ZAR1: variants seen among roughly 807,000 people sequenced by gnomAD.
ZAR1 encodes zygote arrest 1, also known as zygote arrest protein 1.
In ZAR1, 37 loss-of-function variants were observed where a neutral mutation model predicts 38.3. The observed-to-expected ratio is 0.97, with a 90% CI of 0.74 to 1.27. The LOEUF (loss-of-function observed/expected upper bound fraction) is 1.27, where lower values mean the gene tolerates loss of function less well. ZAR1 is among the 50% of genes most tolerant of loss of function. The pLI is 0.00. For missense variants in ZAR1, 651 were observed against 632.4 expected (o/e 1.03, Z -0.32); for synonymous variants, 336 against 292.0 (o/e 1.15, Z -1.53).
chr4:48,491,278 A>C (rs1718434423), intron 1 of ZAR1, 24 bp downstream of exon 1: 2 of 1,229,080 alleles, frequency 1.6e-6, no homozygotes, highest in Non-Finnish European at 2.0e-6. Flanking sequence ...CGGTCAGGGC[A>C]CAGGGGAGCC....
chr4:48,495,551 A>G (rs189322197), downstream of ZAR1, among the ~76,000 whole-genome samples: 68 of 152,342 alleles, frequency 4.5e-4, no homozygotes, highest in Admixed American at 8.5e-4. Context: ...TGTTGCTAAT[A>G]GAATTGAAGC....
At chr4:48,492,446 C>A (rs1237533615) in intron 1 of ZAR1, among the ~76,000 whole-genome samples, 1 of 152,158 alleles carries the variant, frequency 6.6e-6, no homozygotes, top group Non-Finnish European at 1.5e-5. Context: ...TAAGATCAGG[C>A]TTTATCTTAA....
downstream of ZAR1, among the ~76,000 whole-genome samples, chr4:48,495,774 C>T (rs776773444): frequency 3.9e-5 from 6 of 151,992 alleles, no homozygotes; most frequent in African/African-American, 7.3e-5. Context: ...TCAAATGAGT[C>T]GAATGAGGCA....
intron 3 of ZAR1, 99 bp from the exon 4 acceptor site, chr4:48,494,002 C>T: frequency 7.1e-7 from 1 of 1,415,196 alleles, no homozygotes. Context: ...GCTTAGAGCA[C>T]ATTCATTAAG....
chr4:48,491,267 G>A lies in ZAR1; in HGVS notation c.963+13G>A. 8.9e-6 allele frequency: 11 copies of A among 1,234,190 alleles called. No homozygotes were observed. Among genetic ancestry groups the A allele is most frequent in the Non-Finnish European group, 1.1e-5 (11 of 989,804 alleles). The allele number at this position is 1,234,190 out of a possible 1,614,324, so 76.5% of individuals were successfully genotyped here. A position where few individuals can be genotyped will look rare whatever the true frequency, so the allele number is the denominator to read the frequency against. On this transcript the variant is annotated intron_variant, in intron 1 of 3. Transcript: ENST00000327939. ...GCTGCGCTTCCAGGTAAAGCCTAGG[G>A]CGGTCAGGGCACAGGGGAGCCCGGG...
chr4:48,491,111 C>T lies in ZAR1; in HGVS notation c.820C>T (p.Pro274Ser). The T allele has an allele frequency of 1.6e-6, 2 of 1,269,350 alleles. No homozygotes were observed. The highest frequency in any genetic ancestry group is 3.2e-5 in the East Asian group (1 of 31,716). 78.6% of individuals were successfully genotyped at this position (1,269,350 alleles called of 1,614,324 possible). A position where few individuals can be genotyped will look rare whatever the true frequency, so the allele number is the denominator to read the frequency against. ...AGAGGCCCAGGAGGGCGAGGCGGCT[C>T]CGCGGTCGGCGCTAAGGAGCCCGGG... ...PREAQEGEAA[P>S]RSALRSPGQP... Residue 274 changes from proline (P) to serine (S), a missense_variant, in exon 1 of 4, where the codon CCG becomes TCG. Coordinates refer to ENST00000327939, the MANE Select transcript of ZAR1 (RefSeq NM_175619.3).
chr4:48,495,522 AT>A (rs1718562642), downstream of ZAR1, among the ~76,000 whole-genome samples: 1 of 152,238 alleles, frequency 6.6e-6, no homozygotes, highest in Non-Finnish European at 1.5e-5. Context: ...TCCTACCTAC[AT>A]TTAATAGGCG....
chr4:48,497,295 AGAAGTGTAGGTT>A (rs1718673083), downstream of ZAR1: 1 of 152,232 alleles, frequency 6.6e-6, no homozygotes, highest in Non-Finnish European at 1.5e-5. Flanking sequence ...TGAGGAGCAG[AGAAGTGTAGGTT>A]GGAGGAAAAT....
In ZAR1 at chr4:48,490,508, G is replaced by T; in HGVS notation, c.217G>T (p.Glu73Ter). ...FPGCGRLTAA[E>*]YFDSYQRERL... is the part of the protein sequence containing the mutation. Reference sequence around the variant, plus strand: ...GGGCTGCGGGCGGCTGACGGCCGCCGAGTACTTCGACAGCTACCAGCGGGA... The same window carrying T: ...GGGCTGCGGGCGGCTGACGGCCGCCTAGTACTTCGACAGCTACCAGCGGGA... The change falls in exon 1 of 4, where the codon GAG (glutamate) becomes TAG (stop). Residue 73 changes from glutamate (E) to a stop codon, truncating the protein, a stop_gained. Coordinates refer to ENST00000327939, the MANE Select transcript of ZAR1 (RefSeq NM_175619.3). LOFTEE classifies it high-confidence loss of function. 6.8e-7 allele frequency: 1 copy of T among 1,473,632 alleles called. No homozygotes were observed. Among genetic ancestry groups the T allele is most frequent in the Non-Finnish European group, 8.9e-7 (1 of 1,121,490 alleles). 91.3% of individuals were successfully genotyped at this position (1,473,632 alleles called of 1,614,324 possible).
intron 1 of ZAR1, among the ~76,000 whole-genome samples, chr4:48,491,862 G>A (rs1454848290): frequency 6.6e-6 from 1 of 152,222 alleles, no homozygotes; most frequent in Non-Finnish European, 1.5e-5. Context: ...GTTGCTGCCC[G>A]AGGGCAGCAG....
At position 48,491,142 on chromosome 4, in the gene ZAR1, C is replaced by T; in HGVS notation, c.851C>T (p.Pro284Leu). ...TCGGCGCTAAGGAGCCCGGGGCAAC[C>T]TCCGTCGGCGGGGAGGGCCCGAGAC... ...PRSALRSPGQPPSAGRARDGG... is the reference protein window; with the variant it reads ...PRSALRSPGQLPSAGRARDGG... Residue 284 changes from proline (P) to leucine (L), a missense_variant, in exon 1 of 4, where the codon CCT (proline) becomes CTT (leucine). Physicochemically the swap from Pro to Leu is moderately conservative, Grantham distance 98 (BLOSUM62 -3). Coordinates refer to ENST00000327939, the MANE Select transcript of ZAR1 (RefSeq NM_175619.3). The T allele has an allele frequency of 1.6e-6, 2 of 1,241,970 alleles. No individual in the cohort carries two copies. Among genetic ancestry groups the T allele is most frequent in the Non-Finnish European group, 2.0e-6 (2 of 994,636 alleles). The allele number at this position is 1,241,970 out of a possible 1,614,324, so 76.9% of individuals were successfully genotyped here. A position where few individuals can be genotyped will look rare whatever the true frequency, so the allele number is the denominator to read the frequency against.
downstream of ZAR1, among the ~76,000 whole-genome samples, chr4:48,495,124 C>T (rs541112500): frequency 6.6e-6 from 1 of 152,014 alleles, no homozygotes; most frequent in East Asian, 1.9e-4. Flanking sequence ...TAGTGCTAGT[C>T]GGGATGCCAG....
rs555964300 is a variant in ZAR1, at chr4:48,491,284, G to T, written c.963+30G>T. The T allele has an allele frequency of 1.1e-5, 13 of 1,227,748 alleles. No homozygotes were observed. The East Asian group carries it at 1.6e-4, about 15-fold the overall frequency. The allele number at this position is 1,227,748 out of a possible 1,614,324, so 76.1% of individuals were successfully genotyped here. On this transcript the variant is annotated intron_variant, in intron 1 of 3. Coordinates refer to ENST00000327939, the MANE Select transcript of ZAR1 (RefSeq NM_175619.3). ...AGCCTAGGGCGGTCAGGGCACAGGG[G>T]AGCCCGGGGGTGCGGGTGTCTTCCT...
Position 48,494,097 on chromosome 4 carries a change from C to T in ZAR1, c.1132-4C>T, listed in dbSNP as rs1265633884. On this transcript the variant is annotated splice_region_variant and splice_polypyrimidine_tract_variant and intron_variant, in intron 3 of 3. Transcript: ENST00000327939. Reference sequence around the variant, plus strand: ...GCATGCCCTTCTGTATTTTTTTCCCCCAGAGTTGTAAACAAACGAGATGTT... The same window carrying T: ...GCATGCCCTTCTGTATTTTTTTCCCTCAGAGTTGTAAACAAACGAGATGTT... 6.2e-7 allele frequency: 1 copy of T among 1,609,136 alleles called. No homozygotes were observed. Among genetic ancestry groups the T allele is most frequent in the Admixed American group, 1.7e-5 (1 of 59,020 alleles).
intron 3 of ZAR1, 41 bp from the exon 4 acceptor site, chr4:48,494,060 G>T: frequency 6.3e-7 from 1 of 1,599,892 alleles, no homozygotes; most frequent in Non-Finnish European, 8.5e-7. Flanking sequence ...AATCACTAAG[G>T]GTTTATCTTC....
chr4:48,495,795 G>C (rs1007303022), downstream of ZAR1, among the ~76,000 whole-genome samples: 1 of 152,226 alleles, frequency 6.6e-6, no homozygotes, highest in Non-Finnish European at 1.5e-5. Flanking sequence ...AAAATGGAGA[G>C]GGGAAAATTT....
In ZAR1 at chr4:48,490,436, C is replaced by A; in HGVS notation, c.145C>A (p.Pro49Thr). 6.8e-7 allele frequency: 1 copy of A among 1,472,396 alleles called. No homozygotes were observed. Among genetic ancestry groups the A allele is most frequent in the Non-Finnish European group, 8.9e-7 (1 of 1,117,528 alleles). 91.2% of individuals were successfully genotyped at this position (1,472,396 alleles called of 1,614,324 possible). A position where few individuals can be genotyped will look rare whatever the true frequency, so the allele number is the denominator to read the frequency against. ...GCAGCAGCGCGGCAGGGGCTGCCTT[C>A]CCGCCTCCTCCCCCTGCTCGGCGGG... Reference protein sequence around the residue: ...SWQQRGRGCLPASSPCSAGAA... With the variant: ...SWQQRGRGCLTASSPCSAGAA... Residue 49 changes from proline (P) to threonine (T), a missense_variant, in exon 1 of 4, where the codon CCC becomes ACC. This residue lies in a region of ZAR1 where 522 missense variants were observed against 459.9 expected (regional missense o/e 1.14). Coordinates refer to ENST00000327939, the MANE Select transcript of ZAR1 (RefSeq NM_175619.3).
At chr4:48,495,328 C>T (rs967805713), downstream of ZAR1, among the ~76,000 whole-genome samples, 2 of 152,188 alleles carry the variant, frequency 1.3e-5, no homozygotes, top group African/African-American at 4.8e-5. Context: ...TAACAAACAT[C>T]CCACTTAAGT....
chr4:48,490,876 G>A lies in ZAR1; in HGVS notation c.585G>A (p.Glu195=), dbSNP rs1718414921. 3.5e-6 allele frequency: 5 copies of A among 1,436,854 alleles called. No homozygotes were observed. Among genetic ancestry groups the A allele is most frequent in the Non-Finnish European group, 4.6e-6 (5 of 1,098,876 alleles). The allele number at this position is 1,436,854 out of a possible 1,614,324, so 89.0% of individuals were successfully genotyped here. ...LALRRLTAFL[E]GPGPAAGEQR... is the part of the protein sequence containing the mutation. The stretch of plus-strand genomic sequence containing the variant: ...TGCGCCGTCTCACCGCCTTCCTGGA[G>A]GGGCCCGGGCCCGCGGCGGGCGAGC... The change falls in exon 1 of 4, where the codon GAG becomes GAA. Residue 195 remains glutamate (E), a synonymous_variant. Coordinates refer to ENST00000327939, the MANE Select transcript of ZAR1 (RefSeq NM_175619.3).
Sources: gnomAD v4.1 joint callset for allele counts (sites outside exome capture counted in the v4.1 genomes callset) on GRCh38, gnomAD v4.1.1 for gene constraint, gnomAD v4.1.1 regional missense constraint, MANE v1.5 for transcripts, NCBI Gene and HGNC (gene_info 2026-07-23, HGNC 2026-07-21) for gene names.